Variants in NTRK3 observed in about 807,000 individuals in gnomAD.
NTRK3 encodes NT-3 growth factor receptor.
A neutral mutation model predicts 91.7 loss-of-function variants in NTRK3; 24 were observed. The observed-to-expected ratio is 0.26, with a 90% CI of 0.19 to 0.37. The LOEUF (loss-of-function observed/expected upper bound fraction) is 0.37, where lower values mean the gene tolerates loss of function less well. NTRK3 is among the 10% of genes least tolerant of loss of function. The pLI is 1.00. For synonymous variants in NTRK3, 483 were observed against 404.0 expected, an observed-to-expected ratio of 1.20 and a Z score of -2.34; for missense variants, 880 against 1,068.9, an observed-to-expected ratio of 0.82 and a Z score of 2.46.
Position 88,253,841 on chromosome 15 carries a change from C to T in NTRK3, c.248+2065G>A, listed in dbSNP as rs140269293. On this transcript the variant is annotated intron_variant, in intron 3 of 18. Transcript: ENST00000394480. ...TGAGGCCCTCCAGTACCAAAGAGGG[C>T]AAGAGGCCACCCCAGTCCCCTCCCA... 7.8e-3 allele frequency among the ~76,000 whole-genome samples: 1,181 copies of T among 152,284 alleles called. 19 individuals carry two copies. The highest frequency in any genetic ancestry group is 0.026 in the African/African-American group (1,094 of 41,556).
chr15:88,075,318 C>G (rs539397470), intron 13 of NTRK3, among the ~76,000 whole-genome samples: 3 of 152,190 alleles, frequency 2.0e-5, no homozygotes, highest in Non-Finnish European at 2.9e-5. Flanking sequence ...GGGAACTCAG[C>G]GAGGATGTCA....
At chr15:87,953,476 C>T (rs1423392148) in intron 14 of NTRK3, among the ~76,000 whole-genome samples, 4 of 152,236 alleles carry the variant, frequency 2.6e-5, no homozygotes, top group African/African-American at 9.6e-5. Flanking sequence ...TCTTACTAGT[C>T]TCTGGGAAGA....
At chr15:88,147,128 T>C (rs977861112) in intron 6 of NTRK3, among the ~76,000 whole-genome samples, 8 of 152,136 alleles carry the variant, frequency 5.3e-5, no homozygotes, top group African/African-American at 1.9e-4. Context: ...TCTTCTGAAA[T>C]AGATTGTGCC....
intron 17 of NTRK3, among the ~76,000 whole-genome samples, chr15:87,911,853 A>G (rs559479819): frequency 3.9e-5 from 6 of 152,390 alleles, no homozygotes; most frequent in African/African-American, 1.4e-4. Context: ...CAAGGGTTAT[A>G]TAATCAGTGA....
intron 13 of NTRK3, among the ~76,000 whole-genome samples, chr15:88,121,681 A>G (rs899029563): frequency 3.3e-5 from 5 of 152,160 alleles, no homozygotes; most frequent in African/African-American, 9.7e-5. Context: ...TGGCCACCCC[A>G]TGATCTGACA....
At chr15:88,006,665 T>C (rs1025776486) in intron 14 of NTRK3, among the ~76,000 whole-genome samples, 2 of 152,180 alleles carry the variant, frequency 1.3e-5, no homozygotes, top group Non-Finnish European at 2.9e-5. Flanking sequence ...ATCTCCTTGA[T>C]GTAAAAGAAA....
intron 3 of NTRK3, among the ~76,000 whole-genome samples, chr15:88,223,262 G>T (rs149739468): frequency 6.9e-4 from 105 of 152,354 alleles, no homozygotes; most frequent in African/African-American, 2.4e-3. Context: ...ATCACACCAG[G>T]TCACCCGGGA....
chr15:88,206,110 C>A (rs894459339), intron 3 of NTRK3, among the ~76,000 whole-genome samples: 3 of 151,490 alleles, frequency 2.0e-5, no homozygotes, highest in African/African-American at 4.9e-5. Flanking sequence ...GAGGCCGAGG[C>A]GGGCGGATCA....
intron 14 of NTRK3, among the ~76,000 whole-genome samples, chr15:87,974,578 C>T (rs1008381843): frequency 3.3e-5 from 5 of 151,970 alleles, no homozygotes; most frequent in Non-Finnish European, 5.9e-5. Context: ...AGCCTAACTG[C>T]TATCCTAAGG....
chr15:88,179,332 C>T (rs2046264846), intron 5 of NTRK3, among the ~76,000 whole-genome samples: 1 of 152,160 alleles, frequency 6.6e-6, no homozygotes, highest in Non-Finnish European at 1.5e-5. Context: ...TGGAAAGATT[C>T]CTGGAAAGAG....
chr15:87,883,136 C>G (rs1056551576), intron 17 of NTRK3, among the ~76,000 whole-genome samples: 1 of 150,624 alleles, frequency 6.6e-6, no homozygotes, highest in Admixed American at 6.6e-5. Flanking sequence ...TATGCATATA[C>G]AGATATATAT....
intron 14 of NTRK3, among the ~76,000 whole-genome samples, chr15:87,989,888 T>G (rs546275664): frequency 6.6e-6 from 1 of 151,944 alleles, no homozygotes; most frequent in South Asian, 2.1e-4. Context: ...ATTACAGGTG[T>G]GAGCCATCAT....
intron 14 of NTRK3, among the ~76,000 whole-genome samples, chr15:87,986,740 A>G (rs150857092): frequency 7.0e-4 from 106 of 152,352 alleles, no homozygotes; most frequent in Admixed American, 1.6e-3. Flanking sequence ...CAATATTATT[A>G]CACACATATC....
chr15:87,885,335 T>C (rs1277192166), intron 17 of NTRK3, among the ~76,000 whole-genome samples: 2 of 151,888 alleles, frequency 1.3e-5, no homozygotes, highest in Non-Finnish European at 3.0e-5. Context: ...CTTCTTTAGA[T>C]TAATCTGAAA....
At chr15:87,868,920 G>A (rs1185575683) in exon 19 of NTRK3, 3 of 225,964 alleles carry the variant, frequency 1.3e-5, no homozygotes, top group South Asian at 1.8e-4. Flanking sequence ...CCGTCTGTCC[G>A]GCCTAGACGC....
At chr15:88,247,400 C>T (rs528343764) in intron 3 of NTRK3, among the ~76,000 whole-genome samples, 1 of 152,296 alleles carries the variant, frequency 6.6e-6, no homozygotes, top group African/African-American at 2.4e-5. Flanking sequence ...CTCTTGATTC[C>T]TAAGTTCTTT....
At chr15:88,011,587 T>C (rs899169936) in intron 14 of NTRK3, among the ~76,000 whole-genome samples, 1 of 152,166 alleles carries the variant, frequency 6.6e-6, no homozygotes, top group Non-Finnish European at 1.5e-5. Flanking sequence ...GGTTGGGTCA[T>C]GGTGAGTTGG....
chr15:88,155,943 G>C (rs1003553580), intron 5 of NTRK3, among the ~76,000 whole-genome samples: 8 of 152,130 alleles, frequency 5.3e-5, no homozygotes, highest in African/African-American at 1.9e-4. Flanking sequence ...TGGCCACATT[G>C]CAAGTGCTTG....
chr15:88,063,816 G>A (rs1161474826), intron 13 of NTRK3, among the ~76,000 whole-genome samples: 1 of 152,206 alleles, frequency 6.6e-6, no homozygotes, highest in Non-Finnish European at 1.5e-5. Flanking sequence ...TGTCATGAAA[G>A]GCCAAATAAC....
Sources: gnomAD v4.1 joint callset for allele counts (sites outside exome capture counted in the v4.1 genomes callset) on GRCh38, gnomAD v4.1.1 for gene constraint, MANE v1.5 for transcripts, NCBI Gene and HGNC (gene_info 2026-07-23, HGNC 2026-07-21) for gene names.